FHDC1: variants seen among roughly 807,000 people sequenced by gnomAD.
FHDC1 encodes FH2 domain-containing protein 1.
FHDC1 carries 25 observed loss-of-function variants against 52.6 expected under a neutral mutation model. The observed-to-expected ratio is 0.48, with a 90% confidence interval of 0.35 to 0.66. FHDC1 has a LOEUF of 0.66. Among genes scored for constraint, FHDC1 ranks in the 30% least tolerant of loss-of-function variants. The pLI is 0.01. For synonymous variants in FHDC1, 616 were observed against 581.5 expected (o/e 1.06, Z -0.85); for missense variants, 1,459 against 1,452.8 (o/e 1.00, Z -0.07).
Position 152,943,166 on chromosome 4 carries a change from C to T in FHDC1, c.109C>T (p.Pro37Ser). 1 of 1,613,490 alleles carries T rather than the reference C, an allele frequency of 6.2e-7. No homozygotes were observed. Among genetic ancestry groups the T allele is most frequent in the Non-Finnish European group, 8.5e-7 (1 of 1,179,816 alleles). ...GACACCTCCTCCAGCACCTCCTCCA[C>T]CTCCTCCTCCACCCCCTCCATCTCC... is the stretch of plus-strand genomic sequence containing the variant. Reference protein sequence around the residue: ...GQTPPPAPPPPPPPPPPSPPC... With the variant: ...GQTPPPAPPPSPPPPPPSPPC... The change falls in exon 2 of 12, where the codon CCT (proline) becomes TCT (serine). Residue 37 changes from proline (P) to serine (S), a missense_variant. Physicochemically the swap from Pro to Ser is moderately conservative, Grantham distance 74. This residue lies in a region of FHDC1 where 513 missense variants were observed against 581.5 expected (regional missense o/e 0.88). Coordinates refer to ENST00000511601, the MANE Select transcript of FHDC1 (RefSeq NM_001371116.1).
At chr4:152,960,042 T>C (rs1251709854) in intron 4 of FHDC1, among the ~76,000 whole-genome samples, 1 of 152,226 alleles carries the variant, frequency 6.6e-6, no homozygotes, top group Non-Finnish European at 1.5e-5. Context: ...AGCTATTGTA[T>C]GTGAAGTGGG....
chr4:152,952,860 A>C (rs1355977816), intron 2 of FHDC1, among the ~76,000 whole-genome samples: 4 of 152,214 alleles, frequency 2.6e-5, no homozygotes, highest in Non-Finnish European at 5.9e-5. Flanking sequence ...GGCTGGGCAC[A>C]GTGACTCATG....
At chr4:152,952,889 T>G (rs1326609958) in intron 2 of FHDC1, among the ~76,000 whole-genome samples, 1 of 152,194 alleles carries the variant, frequency 6.6e-6, no homozygotes. Flanking sequence ...CCCAGCACTT[T>G]GAGAGGCCGA....
intron 2 of FHDC1, among the ~76,000 whole-genome samples, chr4:152,948,531 G>A (rs999602645): frequency 7.2e-5 from 11 of 152,136 alleles, no homozygotes; most frequent in African/African-American, 1.4e-4. Flanking sequence ...TCAGCTCACT[G>A]CAACCTCCAC....
intron 4 of FHDC1, among the ~76,000 whole-genome samples, chr4:152,956,298 A>T (rs1314648464): frequency 6.6e-6 from 1 of 152,178 alleles, no homozygotes; most frequent in Non-Finnish European, 1.5e-5. Context: ...TGAGGATCAG[A>T]TTTGACAGCG....
chr4:152,943,473 G>A lies in FHDC1; in HGVS notation c.416G>A (p.Gly139Glu). Residue 139 changes from glycine (G) to glutamate (E), a missense_variant, in exon 2 of 12, where the codon GGG becomes GAG. Coordinates refer to ENST00000511601, the MANE Select transcript of FHDC1 (RefSeq NM_001371116.1). ...IDTKTIEELF[G>E]QQEDTTKSSL... ...ACAAAGACCATTGAGGAGCTCTTTG[G>A]GCAGCAGGAAGACACCACCAAGTCT... 6.2e-7 allele frequency: 1 copy of A among 1,614,038 alleles called. No individual in the cohort carries two copies. The highest frequency in any genetic ancestry group is 1.3e-5 in the African/African-American group (1 of 74,988).
intron 1 of FHDC1, among the ~76,000 whole-genome samples, 154 bp from the exon 2 acceptor site, chr4:152,942,774 G>A: frequency 6.6e-6 from 1 of 152,200 alleles, no homozygotes; most frequent in East Asian, 1.9e-4. Flanking sequence ...ATTTAGAAAA[G>A]CGTTGGGTCC....
At chr4:152,922,276 C>T in the FHDC1 span, among the ~76,000 whole-genome samples, 11 of 151,572 alleles carry the variant, frequency 7.3e-5, no homozygotes, top group Admixed American at 2.0e-4. Flanking sequence ...ATAAATTCCT[C>T]GACACATACA....
chr4:152,942,931 T>G lies in FHDC1; in HGVS notation c.-127T>G. ...GATATTTATTTTATCTTGCTAGGTT[T>G]GGAAGAGGACAGTTGCCCTTTATTC... On this transcript the variant is annotated 5_prime_UTR_variant, in exon 2 of 12. Coordinates refer to ENST00000511601, the MANE Select transcript of FHDC1 (RefSeq NM_001371116.1). 7 of 980,382 alleles carry G rather than the reference T, an allele frequency of 7.1e-6. No individual in the cohort carries two copies. The highest frequency in any genetic ancestry group is 2.6e-5 in the Admixed American group (1 of 38,914). The allele number at this position is 980,382 out of a possible 1,614,324, so 60.7% of individuals were successfully genotyped here.
intron 11 of FHDC1, 35 bp downstream of exon 11, chr4:152,972,576 T>C: frequency 6.4e-7 from 1 of 1,572,570 alleles, no homozygotes; most frequent in Non-Finnish European, 8.6e-7. Context: ...TGGGGTTGTT[T>C]GGATTTTTAT....
intron 6 of FHDC1, 86 bp from the exon 7 acceptor site, chr4:152,962,728 C>A: frequency 9.2e-7 from 1 of 1,090,720 alleles, no homozygotes; most frequent in Non-Finnish European, 1.4e-6. Flanking sequence ...GCTTCAGATA[C>A]ACTTGAACTT....
chr4:152,962,981 G>GTA (rs1491168487), intron 7 of FHDC1, 42 bp from the exon 8 acceptor site: 4 of 1,437,588 alleles, frequency 2.8e-6, no homozygotes, highest in South Asian at 1.2e-5. Context: ...GTGTGTGTGT[G>GTA]TATGTATACA....
upstream of FHDC1, among the ~76,000 whole-genome samples, chr4:152,931,550 A>G (rs1397490448): frequency 1.3e-5 from 2 of 151,976 alleles, no homozygotes; most frequent in East Asian, 3.9e-4. Context: ...GAAATACAGT[A>G]TAGATAGGCA....
chr4:152,949,109 T>G (rs182138397), intron 2 of FHDC1, among the ~76,000 whole-genome samples: 98 of 75,034 alleles, frequency 1.3e-3, no homozygotes, highest in South Asian at 5.5e-3. Context: ...ATAATAATAA[T>G]AATAATAATA....
At position 152,976,170 on chromosome 4, in the gene FHDC1, G is replaced by A; in HGVS notation, c.2879G>A (p.Gly960Glu). The A allele has an allele frequency of 6.2e-7, 1 of 1,612,142 alleles. No individual in the cohort carries two copies. Among genetic ancestry groups the A allele is most frequent in the Non-Finnish European group, 8.5e-7 (1 of 1,179,560 alleles). The change falls in exon 12 of 12, where the codon GGG becomes GAG. Residue 960 changes from glycine to glutamate, a missense_variant. Transcript: ENST00000511601. ...TGAEEQRLPR[G>E]SSGSSSTRPG... ...GCCGAAGAGCAGAGGCTGCCGCGGGGGAGCAGCGGCTCCAGCAGCACCCGT... is the reference window on the plus strand; with the variant it reads ...GCCGAAGAGCAGAGGCTGCCGCGGGAGAGCAGCGGCTCCAGCAGCACCCGT...
chr4:152,943,118 G>A lies in FHDC1; in HGVS notation c.61G>A (p.Ala21Thr), dbSNP rs747946601. The A allele has an allele frequency of 4.3e-6, 7 of 1,614,070 alleles. No individual in the cohort carries two copies. The South Asian group carries it at 7.7e-5, about 18-fold the overall frequency. ...SDKENGNIAT[A>T]PGFMIGQTPP... is the part of the protein sequence containing the mutation. ...TAAAGAAAATGGGAATATTGCCACAGCACCTGGATTCATGATTGGGCAGAC... is the reference window on the plus strand; with the variant it reads ...TAAAGAAAATGGGAATATTGCCACAACACCTGGATTCATGATTGGGCAGAC... The change falls in exon 2 of 12, where the codon GCA becomes ACA. Residue 21 changes from alanine to threonine, a missense_variant. By Grantham distance (58) the Ala-to-Thr change is moderately conservative. This residue lies in a region of FHDC1 where 513 missense variants were observed against 581.5 expected (regional missense o/e 0.88). Transcript: ENST00000511601.
At chr4:152,921,578 C>T in the FHDC1 span, among the ~76,000 whole-genome samples, 1 of 141,766 alleles carries the variant, frequency 7.1e-6, no homozygotes, top group Non-Finnish European at 1.6e-5. Flanking sequence ...TCCTTCCTTC[C>T]TTCCTTCCTC....
chr4:152,918,412 T>C, the FHDC1 span: 6 of 152,282 alleles, frequency 3.9e-5, no homozygotes, highest in African/African-American at 1.4e-4. Context: ...GTAGCCTCTT[T>C]GGAATCCTGT....
At chr4:152,956,643 C>G (rs899591954) in intron 4 of FHDC1, among the ~76,000 whole-genome samples, 2 of 152,126 alleles carry the variant, frequency 1.3e-5, no homozygotes, top group African/African-American at 4.8e-5. Context: ...CCCCAGTTAG[C>G]TAACCCGGGA....
Sources: allele counts gnomAD v4.1 joint callset (sites outside exome capture counted in the v4.1 genomes callset), GRCh38; gene constraint gnomAD v4.1.1; regional missense constraint gnomAD v4.1.1; transcripts MANE v1.5; gene names NCBI Gene and HGNC (gene_info 2026-07-23, HGNC 2026-07-21).